The following BRCA1 variants were observed in gnomAD, a reference collection of about 807,000 sequenced individuals.
The protein encoded by BRCA1 is breast cancer type 1 susceptibility protein.
A neutral mutation model predicts 173.7 loss-of-function variants in BRCA1; 140 were observed. The observed-to-expected ratio is 0.81, with a 90% CI of 0.70 to 0.93. The LOEUF is 0.93. BRCA1 is among the 40% of genes least tolerant of loss of function. The probability of loss-of-function intolerance (pLI) is 0.00; values close to 1 mark genes in which losing one functional copy is unlikely to be tolerated. For synonymous variants in BRCA1, 662 were observed against 756.0 expected (o/e 0.88, Z 2.04); for missense variants, 1,983 against 2,172.5 (o/e 0.91, Z 1.73).
intron 11 of BRCA1, 107 bp downstream of exon 11, chr17:43,090,837 A>T: frequency 1.9e-6 from 2 of 1,061,992 alleles, no homozygotes; most frequent in Non-Finnish European, 2.8e-6. Context: ...CAATTGTGCC[A>T]TTAATTCAAA....
At chr17:43,061,562 G>A (rs1326208454) in intron 18 of BRCA1, among the ~76,000 whole-genome samples, 2 of 151,414 alleles carry the variant, frequency 1.3e-5, no homozygotes, top group Non-Finnish European at 2.9e-5. Flanking sequence ...ACATCGAATT[G>A]TGCACAATAG....
chr17:43,105,437 C>T (rs965916915), intron 4 of BRCA1, among the ~76,000 whole-genome samples: 3 of 152,104 alleles, frequency 2.0e-5, no homozygotes, highest in African/African-American at 7.2e-5. Context: ...GATGGGGTCT[C>T]ACTATGTTGC....
Position 43,070,817 on chromosome 17 carries a change from TG to T in BRCA1, c.4986+110del, listed in dbSNP as rs376501348. 3.9e-5 allele frequency: 50 copies of T among 1,274,820 alleles called. No individual in the cohort carries two copies. The African/African-American group carries it at 6.3e-4, about 16-fold the overall frequency. The allele number at this position is 1,274,820 out of a possible 1,614,324, so 79.0% of individuals were successfully genotyped here. On this transcript the variant is annotated intron_variant, in intron 15 of 22. Transcript: ENST00000357654. ...AAATTAAATTACACAGAACTGTGAT[TG>T]TTTTCTAGATTTCTTCCTCTAGGTT...
At chr17:43,051,963 C>CATCT (rs1181405058) in intron 19 of BRCA1, among the ~76,000 whole-genome samples, 2 of 152,142 alleles carry the variant, frequency 1.3e-5, no homozygotes, top group African/African-American at 4.8e-5. Context: ...GCCCCCTAAA[C>CATCT]ATCTGTTCCT....
rs778962676 is a variant in BRCA1, at chr17:43,049,105, G to A, written c.5406+16C>T. On this transcript the variant is annotated intron_variant, in intron 21 of 22. Coordinates refer to ENST00000357654, the MANE Select transcript of BRCA1 (RefSeq NM_007294.4). ...ATATTGTGTCCTCCCTCTCTGACAG[G>A]GCACCCAATACTTACTGTGCCAAGG... The A allele has an allele frequency of 1.2e-6, 2 of 1,611,368 alleles. No homozygotes were observed. Among genetic ancestry groups the A allele is most frequent in the Non-Finnish European group, 1.7e-6 (2 of 1,177,660 alleles).
intron 1 of BRCA1, among the ~76,000 whole-genome samples, chr17:43,133,325 CAGT>C (rs1392620816): frequency 6.6e-6 from 1 of 152,154 alleles, no homozygotes; most frequent in Non-Finnish European, 1.5e-5. Context: ...TTTAGGTCCT[CAGT>C]GGTGAGGGCA....
intron 1 of BRCA1, among the ~76,000 whole-genome samples, chr17:43,151,999 C>T (rs1471182627): frequency 6.6e-6 from 1 of 152,182 alleles, no homozygotes; most frequent in African/African-American, 2.4e-5. Context: ...CTTTAAATAT[C>T]ATCATAAATA....
chr17:43,167,334 G>A (rs921820045), intron 1 of BRCA1: 3 of 152,220 alleles, frequency 2.0e-5, no homozygotes, highest in Non-Finnish European at 4.4e-5. Context: ...CCGGTCTCAA[G>A]AGCCAAGCTC....
chr17:43,123,173 A>G (rs1208246461), intron 2 of BRCA1, among the ~76,000 whole-genome samples: 5 of 151,942 alleles, frequency 3.3e-5, no homozygotes, highest in Admixed American at 3.3e-4. Flanking sequence ...TTGAGGCTGC[A>G]GTGAGCTGTG....
chr17:43,098,920 C>T (rs547956153), intron 7 of BRCA1, among the ~76,000 whole-genome samples: 5 of 146,520 alleles, frequency 3.4e-5, no homozygotes, highest in Non-Finnish European at 7.5e-5. Flanking sequence ...TGGGTTCAAG[C>T]GATTCTCCTG....
rs1007060931 is a variant in BRCA1 at position 43,157,982 on chromosome 17, C to T, written c.-20+12144G>A. 2.2e-5 allele frequency among the ~76,000 whole-genome samples: 3 copies of T among 135,746 alleles called. No individual in the cohort carries two copies. In the Admixed American group the frequency reaches 2.3e-4, roughly 11 times the overall value. The allele number at this position is 135,746 out of a possible 152,430, so 89.1% of individuals were successfully genotyped here. A position where few individuals can be genotyped will look rare whatever the true frequency, so the allele number is the denominator to read the frequency against. ...TGCACTCCAGCCTGGGCAACAAGAG[C>T]GAAACTCTGTCTCAAAAAAAAAAAA... On this transcript the variant is annotated intron_variant, in intron 1 of 7. Coordinates refer to the BRCA1 transcript ENST00000634433.
intron 18 of BRCA1, among the ~76,000 whole-genome samples, chr17:43,061,107 T>C (rs2051731810): frequency 6.6e-6 from 1 of 152,030 alleles, no homozygotes; most frequent in South Asian, 2.1e-4. Context: ...GCCTGGGGGA[T>C]AGAGGGAGAC....
At chr17:43,048,198 T>C (rs2051018437) in intron 21 of BRCA1, among the ~76,000 whole-genome samples, 1 of 151,670 alleles carries the variant, frequency 6.6e-6, no homozygotes, top group African/African-American at 2.4e-5. Flanking sequence ...CAGCCCATCA[T>C]TTCTCTCTCT....
chr17:43,133,537 A>C (rs978028953), intron 1 of BRCA1, among the ~76,000 whole-genome samples: 3 of 152,050 alleles, frequency 2.0e-5, no homozygotes, highest in African/African-American at 7.2e-5. Context: ...TGTCCTTGCA[A>C]ATGTTTTGAG....
intron 9 of BRCA1, 101 bp from the exon 10 acceptor site, chr17:43,094,961 T>C (rs2054073719): frequency 1.8e-6 from 2 of 1,090,808 alleles, no homozygotes; most frequent in Non-Finnish European, 2.7e-6. Context: ...CAACTGGCTA[T>C]ATTAGAGAAA....
At chr17:43,070,180 A>G (rs1288760787) in intron 15 of BRCA1, among the ~76,000 whole-genome samples, 1 of 151,926 alleles carries the variant, frequency 6.6e-6, no homozygotes, top group Non-Finnish European at 1.5e-5. Flanking sequence ...TGATCTGACC[A>G]CCTCAGCCTC....
intron 20 of BRCA1, among the ~76,000 whole-genome samples, chr17:43,050,771 C>A (rs1237675105): frequency 1.3e-5 from 2 of 152,100 alleles, no homozygotes; most frequent in Non-Finnish European, 2.9e-5. Context: ...AAGATATTTT[C>A]TCACTAACAT....
At chr17:43,149,071 T>TC (rs1455368607) in intron 1 of BRCA1, among the ~76,000 whole-genome samples, 1 of 150,994 alleles carries the variant, frequency 6.6e-6, no homozygotes, top group Non-Finnish European at 1.5e-5. Context: ...CCAACACACA[T>TC]CCCCCCGCCA....
chr17:43,050,826 C>A (rs1431022333), intron 20 of BRCA1, among the ~76,000 whole-genome samples: 1 of 152,140 alleles, frequency 6.6e-6, no homozygotes, highest in Non-Finnish European at 1.5e-5. Context: ...ACATAACATA[C>A]TGAATCCTAA....
Sources: gnomAD v4.1 joint callset for allele counts (sites outside exome capture counted in the v4.1 genomes callset) on GRCh38, gnomAD v4.1.1 for gene constraint, MANE v1.5 for transcripts, NCBI Gene and HGNC (gene_info 2026-07-23, HGNC 2026-07-21) for gene names.